The following KRT82 variants were observed in gnomAD, a reference collection of about 807,000 sequenced individuals.
The protein encoded by KRT82 is keratin, type II cuticular Hb2.
Under a neutral mutation model 48.0 loss-of-function variants are expected in KRT82, and 44 were observed. That is an observed-to-expected ratio of 0.92 (90% confidence interval 0.72 to 1.18). KRT82 has a LOEUF of 1.18. Ranked by LOEUF, KRT82 falls within the 50% of genes most tolerant of loss-of-function variation. The pLI is 0.00. For synonymous variants in KRT82, 297 were observed against 278.3 expected, an observed-to-expected ratio of 1.07 and a Z score of -0.67; for missense variants, 701 against 671.4, an observed-to-expected ratio of 1.04 and a Z score of -0.49.
In KRT82 at chr12:52,403,794, A is replaced by T; in HGVS notation, c.527T>A (p.Leu176His). Reference protein sequence around the residue: ...EPIFEGYISALRRQLDCVSGD... With the variant: ...EPIFEGYISAHRRQLDCVSGD... ...GGACACACAGTCCAGCTGCCGCCGA[A>T]GGGCGCTGATATAGCCCTCGAAGAT... The change falls in exon 2 of 9, where the codon CTT becomes CAT. Residue 176 changes from leucine to histidine, a missense_variant. Leu to His is a moderately conservative substitution (Grantham distance 99). Transcript: ENST00000257974. 1 of 1,613,740 alleles carries T rather than the reference A, an allele frequency of 6.2e-7. No individual in the cohort carries two copies. Among genetic ancestry groups the T allele is most frequent in the East Asian group, 2.2e-5 (1 of 44,884 alleles).
Position 52,400,587 on chromosome 12 carries a change from C to T in KRT82, c.717G>A (p.Leu239=). The T allele has an allele frequency of 3.7e-6, 6 of 1,614,080 alleles. No individual in the cohort carries two copies. The highest frequency in any genetic ancestry group is 5.1e-6 in the Non-Finnish European group (6 of 1,179,986). The change falls in exon 4 of 9, where the codon CTG becomes CTA. Residue 239 remains leucine, a synonymous_variant. Coordinates refer to ENST00000257974, the MANE Select transcript of KRT82 (RefSeq NM_033033.4). ...GCACGAGTGCCTCTGCGTTGGTCTC[C>T]AGGTCAGCCTTCATCAGGAAGGCTG... is the stretch of plus-strand genomic sequence containing the variant. The part of the protein sequence containing the change: ...VDTAFLMKAD[L]ETNAEALVQE...
rs766666197 is a variant in KRT82 at position 52,403,826 on chromosome 12, G to A, written c.495C>T (p.Ile165=). The A allele has an allele frequency of 3.1e-6, 5 of 1,613,676 alleles. No individual in the cohort carries two copies. The highest frequency in any genetic ancestry group is 3.4e-6 in the Non-Finnish European group (4 of 1,179,916). The stretch of plus-strand genomic sequence containing the variant: ...TGATATAGCCCTCGAAGATGGGCTC[G>A]ATGTTGGTCTGGCAGCACCTCTGCT... ...MQQQRCCQTN[I]EPIFEGYISA... is the part of the protein sequence containing the mutation. Residue 165 remains isoleucine, a synonymous_variant, in exon 2 of 9, where the codon ATC becomes ATT. Coordinates refer to ENST00000257974, the MANE Select transcript of KRT82 (RefSeq NM_033033.4).
intron 5 of KRT82, among the ~76,000 whole-genome samples, chr12:52,397,366 G>C (rs1939729888): frequency 6.6e-6 from 1 of 152,128 alleles, no homozygotes; most frequent in Non-Finnish European, 1.5e-5. Flanking sequence ...ACTTGGAAGG[G>C]GTTTCTGTGC....
rs1460837354 is a variant in KRT82, at chr12:52,400,006, T to C, written c.921A>G (p.Ala307=). 6.2e-7 allele frequency: 1 copy of C among 1,614,142 alleles called. No individual in the cohort carries two copies. Among genetic ancestry groups the C allele is most frequent in the African/African-American group, 1.3e-5 (1 of 75,068 alleles). The change falls in exon 5 of 9, where the codon GCA becomes GCG. Residue 307 remains alanine, a synonymous_variant. Transcript: ENST00000257974. ...TCACCCGGCACTGGTACCAGGCCTC[T>C]GCTTCGGCTTTGCTGCGGCTGGCGA... is the stretch of plus-strand genomic sequence containing the variant. The part of the protein sequence containing the change: ...DDIASRSKAE[A]EAWYQCRYEE...
At position 52,396,956 on chromosome 12, in the gene KRT82, C is replaced by A. The variant is rs909634512; in HGVS notation, c.995G>T (p.Arg332Leu). Residue 332 changes from arginine to leucine, a missense_variant, in exon 6 of 9, where the codon CGT becomes CTT. Arg to Leu is a moderately radical substitution (Grantham distance 102). Coordinates refer to ENST00000257974, the MANE Select transcript of KRT82 (RefSeq NM_033033.4). ...ATTCATTTCCAGGATCTCGTTCTTA[C>A]GGTTGCGGAGGTTGTCACAGTGGTT... ...AGNHCDNLRN[R>L]KNEILEMNKL... is the part of the protein sequence containing the mutation. 1.2e-6 allele frequency: 2 copies of A among 1,614,046 alleles called. No individual in the cohort carries two copies.
rs80072510 is a variant in KRT82 at position 52,401,170 on chromosome 12, G to A, written c.681+119C>T. 2.4e-3 allele frequency: 1,995 copies of A among 819,236 alleles called. 35 individuals are homozygous for A. The Admixed American group carries it at 0.028, about 11-fold the overall frequency. The allele number at this position is 819,236 out of a possible 1,614,324, so 50.7% of individuals were successfully genotyped here. ...GGGCTGGCACAGGAGTCTGAGGGGCGAAAAACCCTTTTTCAGAGTGGGTGG... is the reference window on the plus strand; with the variant it reads ...GGGCTGGCACAGGAGTCTGAGGGGCAAAAAACCCTTTTTCAGAGTGGGTGG... On this transcript the variant is annotated intron_variant, in intron 3 of 8. Transcript: ENST00000257974.
chr12:52,402,187 TG>T (rs1939799169), intron 2 of KRT82: 1 of 152,282 alleles, frequency 6.6e-6, no homozygotes. Flanking sequence ...ACATGTCACA[TG>T]CATTAATACC....
Position 52,406,013 on chromosome 12 carries a change from A to G in KRT82, c.265T>C (p.Ser89Pro). The G allele has an allele frequency of 6.2e-7, 1 of 1,614,212 alleles. No individual in the cohort carries two copies. Among genetic ancestry groups the G allele is most frequent in the Non-Finnish European group, 8.5e-7 (1 of 1,180,040 alleles). ...GYRLGATCGP[S>P]ACITPVTINE... ...ATGGTGACAGGGGTGATGCAGGCAG[A>G]AGGCCCACAGGTGGCTCCCAGTCGG... Residue 89 changes from serine to proline, a missense_variant, in exon 1 of 9, where the codon TCT becomes CCT. Coordinates refer to ENST00000257974, the MANE Select transcript of KRT82 (RefSeq NM_033033.4).
At position 52,394,683 on chromosome 12, in the gene KRT82, TG is replaced by T. The variant is rs1209913953; in HGVS notation, c.*291del. The stretch of plus-strand genomic sequence containing the variant: ...ACTGTGGTGTGCCCATTTGACCTTT[TG>T]GGGGTTATTGCCATTCTGCGGTTAA... On this transcript the variant is annotated 3_prime_UTR_variant, in exon 9 of 9. Coordinates refer to ENST00000257974, the MANE Select transcript of KRT82 (RefSeq NM_033033.4). The T allele has an allele frequency of 6.3e-6, 3 of 476,058 alleles. No individual in the cohort carries two copies. The highest frequency in any genetic ancestry group is 1.9e-5 in the African/African-American group (1 of 51,410). 29.5% of individuals were successfully genotyped at this position (476,058 alleles called of 1,614,324 possible). A position where few individuals can be genotyped will look rare whatever the true frequency, so the allele number is the denominator to read the frequency against.
In KRT82 at chr12:52,395,074, A is replaced by G. The variant is rs1381682050; in HGVS notation, c.1443T>C (p.Tyr481=). The change falls in exon 9 of 9, where the codon TAT becomes TAC. Residue 481 remains tyrosine (Y), a synonymous_variant. Transcript: ENST00000257974. ...GTAGCCCCTGGGGCTCGCAGGGGACATAGAGTTCACCAGTGCCCACGATGC... is the reference window on the plus strand; with the variant it reads ...GTAGCCCCTGGGGCTCGCAGGGGACGTAGAGTTCACCAGTGCCCACGATGC... ...GCSIVGTGEL[Y]VPCEPQGLLS... is the part of the protein sequence containing the mutation. 1 of 1,613,988 alleles carries G rather than the reference A, an allele frequency of 6.2e-7. No homozygotes were observed. The highest frequency in any genetic ancestry group is 1.1e-5 in the South Asian group (1 of 91,064).
At chr12:52,401,428 GCAA>G (rs879578843) in intron 2 of KRT82, 79 bp from the exon 3 acceptor site, 14 of 1,411,100 alleles carry the variant, frequency 9.9e-6, no homozygotes, top group Non-Finnish European at 1.4e-5. Context: ...GCCTTTGGGG[GCAA>G]CTCTGCCTGT....
intron 4 of KRT82, 51 bp downstream of exon 4, chr12:52,400,474 CGA>C (rs1939773574): frequency 7.2e-7 from 1 of 1,396,696 alleles, no homozygotes; most frequent in African/African-American, 1.4e-5. Flanking sequence ...GCTGCCCTCT[CGA>C]TCCCTTGGCT....
intron 3 of KRT82, 39 bp downstream of exon 3, chr12:52,401,250 C>T: frequency 1.9e-6 from 3 of 1,588,278 alleles, no homozygotes; most frequent in South Asian, 2.2e-5. Flanking sequence ...GCAACGCAGG[C>T]CAGCTCAGGG....
In KRT82 at chr12:52,403,851, T is replaced by C; in HGVS notation, c.470A>G (p.Gln157Arg). Reference protein sequence around the residue: ...LLETKWNFMQQQRCCQTNIEP... With the variant: ...LLETKWNFMQRQRCCQTNIEP... ...GATGTTGGTCTGGCAGCACCTCTGC[T>C]GCTGCATGAAGTTCCACTTGGTCTC... Residue 157 changes from glutamine to arginine, a missense_variant, in exon 2 of 9, where the codon CAG (glutamine) becomes CGG (arginine). Gln to Arg is a conservative substitution (Grantham distance 43). Transcript: ENST00000257974. 2 of 1,614,030 alleles carry C rather than the reference T, an allele frequency of 1.2e-6. No homozygotes were observed. Among genetic ancestry groups the C allele is most frequent in the Non-Finnish European group, 1.7e-6 (2 of 1,180,032 alleles).
chr12:52,397,033 C>T (rs755161552), intron 5 of KRT82, 25 bp from the exon 6 acceptor site: 2 of 1,611,272 alleles, frequency 1.2e-6, no homozygotes, highest in Non-Finnish European at 1.7e-6. Context: ...AGGTCAGAGC[C>T]CCAGGCCCCA....
intron 5 of KRT82, among the ~76,000 whole-genome samples, chr12:52,397,691 T>C (rs556423935): frequency 6.6e-6 from 1 of 152,336 alleles, no homozygotes; most frequent in African/African-American, 2.4e-5. Context: ...GGCTCTTTTG[T>C]TATTTGGTTA....
chr12:52,397,665 C>T (rs1939733055), intron 5 of KRT82, among the ~76,000 whole-genome samples: 1 of 152,204 alleles, frequency 6.6e-6, no homozygotes, highest in Admixed American at 6.5e-5. Flanking sequence ...GAGATAAGCA[C>T]ATAATCACAC....
At chr12:52,400,464 G>T in intron 4 of KRT82, 63 bp downstream of exon 4, 1 of 1,277,504 alleles carries the variant, frequency 7.8e-7, no homozygotes, top group Non-Finnish European at 1.1e-6. Flanking sequence ...CGGCCACTCT[G>T]CTGCCCTCTC....
intron 2 of KRT82, among the ~76,000 whole-genome samples, chr12:52,403,072 A>G (rs1224436988): frequency 1.3e-5 from 2 of 152,126 alleles, no homozygotes; most frequent in East Asian, 1.9e-4. Context: ...CTTATCAACC[A>G]CCTACTCCAA....
Sources: allele counts gnomAD v4.1 joint callset (sites outside exome capture counted in the v4.1 genomes callset), GRCh38; gene constraint gnomAD v4.1.1; transcripts MANE v1.5; gene names NCBI Gene and HGNC (gene_info 2026-07-23, HGNC 2026-07-21).